Variants in GRID1 observed in about 807,000 individuals in gnomAD.
GRID1 encodes the protein glutamate ionotropic receptor delta type subunit 1, also known as glutamate receptor ionotropic, delta-1.
Under a neutral mutation model 98.0 loss-of-function variants are expected in GRID1, and 28 were observed. The ratio of observed to expected loss-of-function variants is 0.29; its 90% CI spans 0.21 to 0.39. The LOEUF (loss-of-function observed/expected upper bound fraction) is 0.39, where lower values mean the gene tolerates loss of function less well. Ranked by LOEUF, GRID1 falls within the 10% of genes least tolerant of loss-of-function variation. GRID1 has a pLI of 1.00. For missense variants in GRID1, 1,111 were observed against 1,340.5 expected, an observed-to-expected ratio of 0.83 and a Z score of 2.67; for synonymous variants, 553 against 538.5, an observed-to-expected ratio of 1.03 and a Z score of -0.37.
chr10:85,801,805 T>C (rs530555788), intron 8 of GRID1, among the ~76,000 whole-genome samples: 1 of 151,788 alleles, frequency 6.6e-6, no homozygotes, highest in Non-Finnish European at 1.5e-5. Context: ...TATACAATTA[T>C]AGGGAAAAAA....
At chr10:86,261,323 C>T (rs1264463298) in intron 2 of GRID1, among the ~76,000 whole-genome samples, 1 of 152,192 alleles carries the variant, frequency 6.6e-6, no homozygotes, top group Non-Finnish European at 1.5e-5. Flanking sequence ...CAGGACCTGC[C>T]GGCATGGCAA....
chr10:86,128,282 C>A (rs1844782949), intron 4 of GRID1, among the ~76,000 whole-genome samples: 1 of 152,106 alleles, frequency 6.6e-6, no homozygotes, highest in African/African-American at 2.4e-5. Context: ...CTGCATCTCC[C>A]TGGGGTAGGA....
intron 13 of GRID1, among the ~76,000 whole-genome samples, chr10:85,623,129 TC>T (rs1170208765): frequency 5.3e-5 from 8 of 152,208 alleles, no homozygotes; most frequent in Non-Finnish European, 1.0e-4. Context: ...CCTCAGCCTT[TC>T]TCTTTCAACT....
rs746782269 is a variant in GRID1, at chr10:85,682,781, T to G, written c.1998-35384A>C. ...CTCAGCAACACAGCCTTGGGCAGAT[T>G]GAGTCCCTGTATCTGATGTGCAGCC... On this transcript the variant is annotated intron_variant, in intron 12 of 15. Coordinates refer to ENST00000327946, the MANE Select transcript of GRID1 (RefSeq NM_017551.3). 2.0e-3 allele frequency among the ~76,000 whole-genome samples: 297 copies of G among 152,282 alleles called. 2 individuals are homozygous for G. The highest frequency in any genetic ancestry group is 7.5e-3 in the South Asian group (36 of 4,828).
At position 85,602,175 on chromosome 10, in the gene GRID1, G is replaced by C; in HGVS notation, c.*98C>G. 1 of 666,844 alleles carries C rather than the reference G, an allele frequency of 1.5e-6. No individual in the cohort carries two copies. Among genetic ancestry groups the C allele is most frequent in the Admixed American group, 3.0e-5 (1 of 33,036 alleles). 41.3% of individuals were successfully genotyped at this position (666,844 alleles called of 1,614,324 possible). A position where few individuals can be genotyped will look rare whatever the true frequency, so the allele number is the denominator to read the frequency against. On this transcript the variant is annotated 3_prime_UTR_variant, in exon 16 of 16. Coordinates refer to ENST00000327946, the MANE Select transcript of GRID1 (RefSeq NM_017551.3). ...TGAAAGAGTCTCTGTGTATGTGTGT[G>C]TGTGCGAGTGTGTGTGGTTTGTGTT...
At chr10:85,683,210 GA>G (rs11448371) in intron 12 of GRID1, among the ~76,000 whole-genome samples, 6 of 151,642 alleles carry the variant, frequency 4.0e-5, no homozygotes, top group East Asian at 3.9e-4. Context: ...GGCATGCAGA[GA>G]AAAAAAATAG....
intron 2 of GRID1, among the ~76,000 whole-genome samples, chr10:86,328,437 G>C (rs35926391): frequency 0.11 from 16,535 of 152,244 alleles, 1,070 homozygotes; most frequent in South Asian, 0.16. Context: ...TGAGTGAATG[G>C]TATGCGCTCA....
At chr10:85,656,585 T>C (rs1468924949) in intron 12 of GRID1, among the ~76,000 whole-genome samples, 1 of 152,192 alleles carries the variant, frequency 6.6e-6, no homozygotes, top group Admixed American at 6.5e-5. Flanking sequence ...CTTAAATCAC[T>C]AACCCCTAAA....
chr10:86,272,733 G>C (rs1469526702), intron 2 of GRID1, among the ~76,000 whole-genome samples: 1 of 152,100 alleles, frequency 6.6e-6, no homozygotes, highest in East Asian at 1.9e-4. Flanking sequence ...AGACCTGTGA[G>C]GAATAGCTTG....
chr10:85,951,653 C>A (rs1842127397), intron 4 of GRID1, among the ~76,000 whole-genome samples: 1 of 152,164 alleles, frequency 6.6e-6, no homozygotes, highest in Non-Finnish European at 1.5e-5. Context: ...TTATTTTCTA[C>A]CTTTATCTAA....
intron 15 of GRID1, chr10:85,613,093 T>TGGGCG: frequency 2.8e-6 from 1 of 352,614 alleles, no homozygotes; most frequent in Non-Finnish European, 5.2e-6. Context: ...TGGAGGCACA[T>TGGGCG]GGGCGGGGCA....
In GRID1 at chr10:85,781,737, A is replaced by G. The variant is rs75393298; in HGVS notation, c.1234-52123T>C. On this transcript the variant is annotated intron_variant, in intron 8 of 15. Transcript: ENST00000327946. ...CATTTTACACAGAGGACAGTGTTAT[A>G]TAAGCCTGTGAAGTAAGTATCATGG... Among the ~76,000 whole-genome samples the G allele has an allele frequency of 1.5e-3, 222 of 152,250 alleles. 5 individuals carry two copies. In the East Asian group the frequency reaches 0.036, roughly 24 times the overall value.
intron 12 of GRID1, among the ~76,000 whole-genome samples, chr10:85,705,360 G>A (rs1841503301): frequency 6.6e-6 from 1 of 152,162 alleles, no homozygotes; most frequent in Admixed American, 6.5e-5. Flanking sequence ...AAATCTGGAA[G>A]AAATGGATAA....
Position 85,881,234 on chromosome 10 carries a change from A to C in GRID1, c.781-12054T>G, listed in dbSNP as rs564081462. Among the ~76,000 whole-genome samples the C allele has an allele frequency of 6.8e-3, 1,036 of 152,328 alleles. 10 individuals carry two copies. Among genetic ancestry groups the C allele is most frequent in the African/African-American group, 0.024 (994 of 41,574 alleles). The stretch of plus-strand genomic sequence containing the variant: ...TATAGATTCAATGCCATCCCCATCA[A>C]GCTACCAATGACTTTCTTCACAGAA... On this transcript the variant is annotated intron_variant, in intron 5 of 15. Coordinates refer to ENST00000327946, the MANE Select transcript of GRID1 (RefSeq NM_017551.3).
chr10:85,813,376 G>C (rs1443421976), intron 8 of GRID1, among the ~76,000 whole-genome samples: 1 of 151,044 alleles, frequency 6.6e-6, no homozygotes, highest in East Asian at 1.9e-4. Flanking sequence ...CACAGGGGAA[G>C]CAGGATTGGA....
At chr10:85,617,085 G>T (rs1842798445) in intron 14 of GRID1, among the ~76,000 whole-genome samples, 1 of 152,154 alleles carries the variant, frequency 6.6e-6, no homozygotes, top group African/African-American at 2.4e-5. Flanking sequence ...AGTTATAGCA[G>T]TTCCACATAA....
intron 6 of GRID1, among the ~76,000 whole-genome samples, chr10:85,868,069 G>A (rs780677477): frequency 3.9e-5 from 6 of 152,166 alleles, no homozygotes; most frequent in Non-Finnish European, 8.8e-5. Context: ...AGATACAGCC[G>A]TCTCTGTTCT....
At chr10:85,925,673 C>T (rs1253099619) in intron 4 of GRID1, among the ~76,000 whole-genome samples, 2 of 152,246 alleles carry the variant, frequency 1.3e-5, no homozygotes, top group Non-Finnish European at 2.9e-5. Context: ...GGGACCACAG[C>T]ACCAGATACT....
chr10:86,255,334 T>C (rs1019872046), intron 2 of GRID1, among the ~76,000 whole-genome samples: 6 of 152,224 alleles, frequency 3.9e-5, no homozygotes, highest in East Asian at 3.8e-4. Flanking sequence ...TCAATGCCTA[T>C]ATAATTCACA....
Sources: gnomAD v4.1 joint callset for allele counts (sites outside exome capture counted in the v4.1 genomes callset) on GRCh38, gnomAD v4.1.1 for gene constraint, MANE v1.5 for transcripts, NCBI Gene and HGNC (gene_info 2026-07-23, HGNC 2026-07-21) for gene names.